Variants in ATP1A2 observed in about 807,000 individuals in gnomAD.
ATP1A2 encodes the protein ATPase Na+/K+ transporting subunit alpha 2.
ATP1A2 carries 56 observed loss-of-function variants against 113.1 expected under a neutral mutation model. That is an observed-to-expected ratio of 0.49 (90% confidence interval 0.40 to 0.62). The LOEUF (loss-of-function observed/expected upper bound fraction) is 0.62. ATP1A2 is among the 20% of genes least tolerant of loss of function. The probability of loss-of-function intolerance (pLI) is 0.00; values close to 1 mark genes in which losing one functional copy is unlikely to be tolerated. For synonymous variants in ATP1A2, 490 were observed against 526.8 expected (o/e 0.93, Z 0.96); for missense variants, 712 against 1,357.8 (o/e 0.52, Z 7.47).
At chr1:160,129,507 C>T in intron 11 of ATP1A2, 107 bp downstream of exon 11, 2 of 1,526,184 alleles carry the variant, frequency 1.3e-6, no homozygotes, top group Non-Finnish European at 9.0e-7. Context: ...GTCTGAGGGT[C>T]ATGTTCCCTC....
chr1:160,128,625 T>G (rs769177090), intron 8 of ATP1A2, 27 bp from the exon 9 acceptor site: 64 of 1,614,020 alleles, frequency 4.0e-5, no homozygotes, highest in Non-Finnish European at 4.7e-5. Flanking sequence ...AGCCTTAACC[T>G]TTTTTATTCT....
chr1:160,127,440 T>C (rs753613551), intron 7 of ATP1A2, 112 bp from the exon 8 acceptor site: 1 of 1,500,032 alleles, frequency 6.7e-7, no homozygotes, highest in Non-Finnish European at 9.1e-7. Context: ...CCTCCAGATC[T>C]GCGGCTTTGG....
chr1:160,127,259 C>A (rs1248470097), intron 7 of ATP1A2, among the ~76,000 whole-genome samples: 2 of 152,162 alleles, frequency 1.3e-5, no homozygotes, highest in Non-Finnish European at 1.5e-5. Context: ...TACCAAAATG[C>A]CACAGGCAAT....
At chr1:160,120,146 C>A (rs1383211355) in intron 1 of ATP1A2, among the ~76,000 whole-genome samples, 1 of 152,180 alleles carries the variant, frequency 6.6e-6, no homozygotes, top group African/African-American at 2.4e-5. Context: ...ACAAATGGGG[C>A]TCAGTTCCCA....
chr1:160,141,424 C>T lies in ATP1A2; in HGVS notation c.*102C>T. On this transcript the variant is annotated 3_prime_UTR_variant, in exon 23 of 23. Transcript: ENST00000361216. ...GGAAATAACGGGTGGCATTGGGTGG[C>T]AACATTTGGGGAGAGATAATGAGGC... is the stretch of plus-strand genomic sequence containing the variant. 6.7e-7 allele frequency: 1 copy of T among 1,497,290 alleles called. No individual in the cohort carries two copies. Among genetic ancestry groups the T allele is most frequent in the Non-Finnish European group, 9.3e-7 (1 of 1,077,112 alleles). The allele number at this position is 1,497,290 out of a possible 1,614,324, so 92.8% of individuals were successfully genotyped here. A position where few individuals can be genotyped will look rare whatever the true frequency, so the allele number is the denominator to read the frequency against.
rs1194833342 is a variant in ATP1A2, at chr1:160,125,127, C to T, written c.631-9C>T. On this transcript the variant is annotated splice_polypyrimidine_tract_variant and intron_variant, in intron 6 of 22. Coordinates refer to ENST00000361216, the MANE Select transcript of ATP1A2 (RefSeq NM_000702.4). Reference sequence around the variant, plus strand: ...CCAGTCTGATGACTATGCACTCCTTCCTCCTCAGGTGGATAACTCATCCTT... The same window carrying T: ...CCAGTCTGATGACTATGCACTCCTTTCTCCTCAGGTGGATAACTCATCCTT... 1 of 1,612,806 alleles carries T rather than the reference C, an allele frequency of 6.2e-7. No individual in the cohort carries two copies. Among genetic ancestry groups the T allele is most frequent in the African/African-American group, 1.3e-5 (1 of 75,008 alleles).
rs778460665 is a variant in ATP1A2 at position 160,136,354 on chromosome 1, G to A, written c.2547G>A (p.Met849Ile). The stretch of plus-strand genomic sequence containing the variant: ...TGGTGAATGAGAGGCTCATCAGCAT[G>A]GCCTACGGACAGATCGGTGCGCCAA... ...DKLVNERLIS[M>I]AYGQIGMIQA... Residue 849 changes from methionine to isoleucine, a missense_variant, in exon 18 of 23, where the codon ATG becomes ATA. This residue lies in a region of ATP1A2 where 188 missense variants were observed against 438.9 expected (regional missense o/e 0.43). Coordinates refer to ENST00000361216, the MANE Select transcript of ATP1A2 (RefSeq NM_000702.4). 6.2e-7 allele frequency: 1 copy of A among 1,614,146 alleles called. No homozygotes were observed. Among genetic ancestry groups the A allele is most frequent in the Non-Finnish European group, 8.5e-7 (1 of 1,180,026 alleles).
intron 18 of ATP1A2, 94 bp downstream of exon 18, chr1:160,136,464 G>T: frequency 6.2e-7 from 1 of 1,612,514 alleles, no homozygotes; most frequent in Non-Finnish European, 8.5e-7. Context: ...CCAGGACAGA[G>T]GCCAGCTACC....
At chr1:160,133,604 G>T (rs143641011) in intron 13 of ATP1A2, among the ~76,000 whole-genome samples, 100 of 152,224 alleles carry the variant, frequency 6.6e-4, no homozygotes, top group African/African-American at 2.3e-3. Context: ...GGTGGTGGAG[G>T]CAGGGGTGTT....
chr1:160,121,333 T>A, intron 3 of ATP1A2, 82 bp downstream of exon 3: 1 of 1,497,814 alleles, frequency 6.7e-7, no homozygotes, highest in Non-Finnish European at 9.3e-7. Context: ...CTTAAAACTG[T>A]AATCCAGCCT....
chr1:160,135,241 T>C lies in ATP1A2; in HGVS notation c.2061T>C (p.Phe687=). The C allele has an allele frequency of 6.2e-7, 1 of 1,614,170 alleles. No homozygotes were observed. Among genetic ancestry groups the C allele is most frequent in the Non-Finnish European group, 8.5e-7 (1 of 1,180,026 alleles). The change falls in exon 15 of 23, where the codon TTT becomes TTC. Residue 687 remains phenylalanine (F), a synonymous_variant. Coordinates refer to ENST00000361216, the MANE Select transcript of ATP1A2 (RefSeq NM_000702.4). This position sits in a 1 kb window ranked among gnomAD's most constrained non-coding sequence, Gnocchi z 6.3. The stretch of plus-strand genomic sequence containing the variant: ...TCAAGAACCACACAGAGATCGTCTT[T>C]GCTCGAACGTCTCCCCAGCAGAAGC... The part of the protein sequence containing the change: ...EILKNHTEIV[F]ARTSPQQKLI...
chr1:160,125,100 T>G, intron 6 of ATP1A2, 36 bp from the exon 7 acceptor site: 2 of 1,578,286 alleles, frequency 1.3e-6, no homozygotes, highest in Non-Finnish European at 1.7e-6. Context: ...CAAGTGGCTC[T>G]GCCAGTCTGA....
At position 160,135,519 on chromosome 1, in the gene ATP1A2, C is replaced by T. The variant is rs1159135221; in HGVS notation, c.2201C>T (p.Ser734Phe). The T allele has an allele frequency of 2.5e-6, 4 of 1,614,100 alleles. No individual in the cohort carries two copies. Among genetic ancestry groups the T allele is most frequent in the Non-Finnish European group, 3.4e-6 (4 of 1,180,052 alleles). Residue 734 changes from serine to phenylalanine, a missense_variant, in exon 16 of 23, where the codon TCT becomes TTT. By Grantham distance (155) the Ser-to-Phe change is radical (BLOSUM62 -2). This residue lies in a region of ATP1A2 where 188 missense variants were observed against 438.9 expected (regional missense o/e 0.43). Transcript: ENST00000361216. This position sits in a 1 kb window ranked among gnomAD's most constrained non-coding sequence, Gnocchi z 6.3. ...KADIGIAMGI[S>F]GSDVSKQAAD... ...GACATTGGCATTGCCATGGGCATCT[C>T]TGGCTCTGACGTCTCTAAGCAGGCA...
intron 6 of ATP1A2, among the ~76,000 whole-genome samples, chr1:160,124,772 G>C (rs1651532978): frequency 6.6e-6 from 1 of 152,140 alleles, no homozygotes; most frequent in Non-Finnish European, 1.5e-5. Flanking sequence ...GCTGAATGTG[G>C]CCACACACGT....
At chr1:160,139,763 C>G in intron 21 of ATP1A2, 22 bp downstream of exon 21, 1 of 1,613,814 alleles carries the variant, frequency 6.2e-7, no homozygotes, top group Non-Finnish European at 8.5e-7. Context: ...TTTCGGGCGG[C>G]CTGAGTAGTC....
chr1:160,128,799 A>G lies in ATP1A2; in HGVS notation c.1165A>G (p.Met389Val), dbSNP rs1651667422. The G allele has an allele frequency of 6.2e-7, 1 of 1,614,136 alleles. No homozygotes were observed. The highest frequency in any genetic ancestry group is 8.5e-7 in the Non-Finnish European group (1 of 1,180,006). The change falls in exon 9 of 23, where the codon ATG becomes GTG. Residue 389 changes from methionine to valine, a missense_variant. This residue lies in a region of ATP1A2 where 44 missense variants were observed against 153.1 expected (regional missense o/e 0.29). Coordinates refer to ENST00000361216, the MANE Select transcript of ATP1A2 (RefSeq NM_000702.4). ...CCAGAACCGCATGACCGTCGCCCACATGTGGTTCGACAACCAAATCCATGA... is the reference window on the plus strand; with the variant it reads ...CCAGAACCGCATGACCGTCGCCCACGTGTGGTTCGACAACCAAATCCATGA... ...LTQNRMTVAH[M>V]WFDNQIHEAD...
chr1:160,115,996 T>G (rs1489510743), intron 1 of ATP1A2, 123 bp downstream of exon 1: 1 of 1,457,042 alleles, frequency 6.9e-7, no homozygotes, highest in Non-Finnish European at 9.4e-7. Flanking sequence ...TACTTGGAAC[T>G]TGAAACTAAC....
intron 1 of ATP1A2, among the ~76,000 whole-genome samples, chr1:160,120,062 G>A (rs1371002112): frequency 1.3e-5 from 2 of 151,774 alleles, no homozygotes; most frequent in African/African-American, 4.8e-5. Flanking sequence ...GATGACCCAG[G>A]AATGTCTAGA....
At chr1:160,128,138 CA>C (rs1051188194) in intron 8 of ATP1A2, among the ~76,000 whole-genome samples, 22 of 152,304 alleles carry the variant, frequency 1.4e-4, no homozygotes, top group African/African-American at 5.3e-4. Flanking sequence ...CACTAACTAG[CA>C]AATCCAGGGA....
Sources: allele counts gnomAD v4.1 joint callset (sites outside exome capture counted in the v4.1 genomes callset), GRCh38; gene constraint gnomAD v4.1.1; regional missense constraint gnomAD v4.1.1; non-coding constraint Gnocchi (gnomAD v3.1); transcripts MANE v1.5; gene names NCBI Gene and HGNC (gene_info 2026-07-23, HGNC 2026-07-21).